Variants in BBOX1 observed in about 807,000 individuals in gnomAD.
BBOX1 encodes the protein gamma-butyrobetaine hydroxylase 1.
BBOX1 carries 35 observed loss-of-function variants against 41.6 expected under a neutral mutation model. The observed-to-expected ratio is 0.84, with a 90% CI of 0.64 to 1.11. The LOEUF is 1.11. Among genes scored for constraint, BBOX1 ranks in the 50% most tolerant of loss-of-function variants. BBOX1 has a pLI of 0.00. For missense variants in BBOX1, 458 were observed against 460.6 expected (o/e 0.99, Z 0.05); for synonymous variants, 163 against 154.7 (o/e 1.05, Z -0.40).
intron 4 of BBOX1, among the ~76,000 whole-genome samples, chr11:27,062,064 G>T (rs916960997): frequency 9.2e-5 from 14 of 152,164 alleles, no homozygotes; most frequent in Admixed American, 7.2e-4. Context: ...ATGAAGGAAT[G>T]ATCCTCAGAA....
At chr11:27,054,205 C>CTG (rs57324926) in intron 2 of BBOX1, among the ~76,000 whole-genome samples, 68,755 of 139,262 alleles carry the variant, frequency 0.49, 16,097 homozygotes, top group Middle Eastern at 0.57. Context: ...GTGTGTGTGT[C>CTG]TGTGTGTGTG....
chr11:27,051,040 T>C lies in BBOX1; in HGVS notation c.-38-4353T>C, dbSNP rs1015484669. Among the ~76,000 whole-genome samples the C allele has an allele frequency of 7.2e-5, 11 of 152,084 alleles. No individual in the cohort carries two copies. In the East Asian group the frequency reaches 2.1e-3, roughly 29 times the overall value. On this transcript the variant is annotated intron_variant, in intron 2 of 8. Transcript: ENST00000263182. ...ACATCTTTGTTGATAATTATTATCA[T>C]AAAAGGATGTTGAATTTTATCAAAT... is the stretch of plus-strand genomic sequence containing the variant.
At chr11:27,070,705 GATT>G (rs1328677186) in intron 4 of BBOX1, among the ~76,000 whole-genome samples, 2 of 77,734 alleles carry the variant, frequency 2.6e-5, no homozygotes, top group Non-Finnish European at 4.9e-5. Context: ...GTTTGTGATT[GATT>G]TTTTTTTTTT....
At position 27,111,371 on chromosome 11, in the gene BBOX1, G is replaced by C. The variant is rs1859057144; in HGVS notation, c.534-4081G>C. On this transcript the variant is annotated intron_variant, in intron 5 of 8. Coordinates refer to ENST00000263182, the MANE Select transcript of BBOX1 (RefSeq NM_003986.3). The stretch of plus-strand genomic sequence containing the variant: ...GTGGGGAAGGAGGGAACGGGAAAGG[G>C]CTGAAAAATTACCCATTGGGTACTA... 2.0e-5 allele frequency among the ~76,000 whole-genome samples: 3 copies of C among 152,050 alleles called. 1 individual carries two copies. The highest frequency in any genetic ancestry group is 7.2e-5 in the African/African-American group (3 of 41,532).
intron 4 of BBOX1, 103 bp downstream of exon 4, chr11:27,057,418 A>T: frequency 1.1e-6 from 1 of 871,056 alleles, no homozygotes. Context: ...GCTTTGATTA[A>T]AATATGTGAC....
chr11:27,122,001 G>A (rs1859481737), intron 7 of BBOX1, among the ~76,000 whole-genome samples: 1 of 152,068 alleles, frequency 6.6e-6, no homozygotes, highest in African/African-American at 2.4e-5. Flanking sequence ...ATATCAAGTG[G>A]TTAACATTAA....
At chr11:27,069,079 T>C (rs1289552553) in intron 4 of BBOX1, among the ~76,000 whole-genome samples, 3 of 152,092 alleles carry the variant, frequency 2.0e-5, no homozygotes, top group Admixed American at 6.6e-5. Flanking sequence ...TTTGGTTCCA[T>C]ATGAATTTTG....
chr11:27,120,001 A>G (rs1859407852), intron 7 of BBOX1, among the ~76,000 whole-genome samples, 156 bp downstream of exon 7: 1 of 151,706 alleles, frequency 6.6e-6, no homozygotes, highest in Admixed American at 6.6e-5. Context: ...TTTTCACCAT[A>G]AAAGTTTTTA....
chr11:27,102,354 T>C (rs1021238152), intron 5 of BBOX1, among the ~76,000 whole-genome samples: 1 of 152,056 alleles, frequency 6.6e-6, no homozygotes, highest in African/African-American at 2.4e-5. Flanking sequence ...TCGCATAAAA[T>C]AAATGTATAG....
intron 7 of BBOX1, among the ~76,000 whole-genome samples, chr11:27,121,380 T>C (rs913937917): frequency 6.6e-6 from 1 of 152,132 alleles, no homozygotes; most frequent in Non-Finnish European, 1.5e-5. Flanking sequence ...TGCTGCAAGA[T>C]CCTGATCAAA....
intron 5 of BBOX1, among the ~76,000 whole-genome samples, chr11:27,109,883 T>C (rs1858995583): frequency 6.6e-6 from 1 of 151,830 alleles, no homozygotes; most frequent in South Asian, 2.1e-4. Context: ...AGACCAAGGG[T>C]CTTATTTTGT....
intron 4 of BBOX1, among the ~76,000 whole-genome samples, chr11:27,072,038 T>C (rs964669044): frequency 3.2e-4 from 49 of 152,272 alleles, no homozygotes; most frequent in African/African-American, 1.1e-3. Context: ...TTCTCACTAC[T>C]CCTATTCAAC....
chr11:27,043,767 A>G (rs2133938870), intron 2 of BBOX1, among the ~76,000 whole-genome samples: 1 of 149,200 alleles, frequency 6.7e-6, no homozygotes, highest in East Asian at 1.9e-4. Flanking sequence ...TGCGGAGGAC[A>G]TGAACTCATC....
In BBOX1 at chr11:27,068,020, G is replaced by A. The variant is rs1364721215; in HGVS notation, c.334+10705G>A. On this transcript the variant is annotated intron_variant, in intron 4 of 8. Transcript: ENST00000263182. ...ATTGGTCCCATAACTTTGCAATTGTGAATTGTGCTGTAATAAGCATACATT... is the reference window on the plus strand; with the variant it reads ...ATTGGTCCCATAACTTTGCAATTGTAAATTGTGCTGTAATAAGCATACATT... 1.2e-4 allele frequency among the ~76,000 whole-genome samples: 18 copies of A among 151,746 alleles called. No individual in the cohort carries two copies. The East Asian group carries it at 3.1e-3, about 26-fold the overall frequency.
At chr11:27,072,764 C>A (rs1857497185) in intron 4 of BBOX1, among the ~76,000 whole-genome samples, 1 of 152,096 alleles carries the variant, frequency 6.6e-6, no homozygotes, top group South Asian at 2.1e-4. Flanking sequence ...AGAAATAATA[C>A]CACACATCTA....
intron 4 of BBOX1, among the ~76,000 whole-genome samples, chr11:27,077,807 T>C (rs1488871710): frequency 6.6e-6 from 1 of 151,962 alleles, no homozygotes; most frequent in Non-Finnish European, 1.5e-5. Context: ...GAGGGAAAGA[T>C]TATATAGATT....
intron 2 of BBOX1, among the ~76,000 whole-genome samples, chr11:27,048,535 TAGA>T (rs1851564205): frequency 3.7e-4 from 16 of 42,682 alleles, no homozygotes; most frequent in Admixed American, 3.1e-3. Flanking sequence ...AGATAGATGA[TAGA>T]TAGATAGATA....
intron 5 of BBOX1, among the ~76,000 whole-genome samples, chr11:27,114,341 C>T (rs913899423): frequency 2.0e-5 from 3 of 151,766 alleles, no homozygotes; most frequent in Admixed American, 6.6e-5. Flanking sequence ...AAGCAGTCTA[C>T]AATCCCTACC....
At chr11:27,098,591 A>C (rs1250077914) in intron 5 of BBOX1, among the ~76,000 whole-genome samples, 1 of 152,076 alleles carries the variant, frequency 6.6e-6, no homozygotes, top group African/African-American at 2.4e-5. Context: ...TGGCTTTATC[A>C]TACTATAATT....
Sources: gnomAD v4.1 joint callset for allele counts (sites outside exome capture counted in the v4.1 genomes callset) on GRCh38, gnomAD v4.1.1 for gene constraint, MANE v1.5 for transcripts, NCBI Gene and HGNC (gene_info 2026-07-23, HGNC 2026-07-21) for gene names.